The following S100A2 variants were observed in gnomAD, a reference collection of about 807,000 sequenced individuals.
The protein encoded by S100A2 is protein S100-A2.
In S100A2, 5 loss-of-function variants were observed where a neutral mutation model predicts 4.3. The observed-to-expected ratio is 1.16, with a 90% CI of 0.61 to 2.44. S100A2 has a LOEUF of 2.44. S100A2 is among the 30% of genes most tolerant of loss of function. The probability of loss-of-function intolerance (pLI) is 0.01; values close to 1 mark genes in which losing one functional copy is unlikely to be tolerated. For missense variants in S100A2, 103 were observed against 114.7 expected (o/e 0.90, Z 0.47); for synonymous variants, 44 against 46.0 (o/e 0.96, Z 0.17).
intron 1 of S100A2, 116 bp from the exon 2 acceptor site, chr1:153,564,003 T>C: frequency 1.9e-6 from 2 of 1,079,118 alleles, no homozygotes; most frequent in Non-Finnish European, 2.6e-6. Context: ...CCTCTCTGAA[T>C]GGGAAGGCAG....
Position 153,561,306 on chromosome 1 carries a change from A to T in S100A2, c.*133T>A, listed in dbSNP as rs1005211287. 1 of 1,149,890 alleles carries T rather than the reference A, an allele frequency of 8.7e-7. No homozygotes were observed. The highest frequency in any genetic ancestry group is 1.2e-6 in the Non-Finnish European group (1 of 809,112). 71.2% of individuals were successfully genotyped at this position (1,149,890 alleles called of 1,614,324 possible). ...CATCTCCCAGCACTCCAGCTGAGCC[A>T]GCCGGGTTATGGAACATCACTGAGC... On this transcript the variant is annotated 3_prime_UTR_variant, in exon 3 of 3. Transcript: ENST00000368708.
chr1:153,563,803 G>A lies in S100A2; in HGVS notation c.75C>T (p.Gly25=), dbSNP rs780402122. 16 of 1,614,002 alleles carry A rather than the reference G, an allele frequency of 9.9e-6. No individual in the cohort carries two copies. The highest frequency in any genetic ancestry group is 6.7e-5 in the East Asian group (3 of 44,878). Reference sequence around the variant, plus strand: ...CCCCCTTACTCAGCTTGAACTTGTCGCCCTCTTGGCAGGAGTACTTGTGGA... The same window carrying A: ...CCCCCTTACTCAGCTTGAACTTGTCACCCTCTTGGCAGGAGTACTTGTGGA... ...TTFHKYSCQE[G]DKFKLSKGEM... is the part of the protein sequence containing the mutation. The change falls in exon 2 of 3, where the codon GGC becomes GGT. Residue 25 remains glycine, a synonymous_variant. Transcript: ENST00000368708.
chr1:153,563,643 T>C, intron 2 of S100A2, 91 bp downstream of exon 2: 1 of 1,581,322 alleles, frequency 6.3e-7, no homozygotes, highest in South Asian at 1.1e-5. Flanking sequence ...CCCTGGCACC[T>C]GCATCGACAG....
In S100A2 at chr1:153,561,477, A is replaced by G. The variant is rs751430239; in HGVS notation, c.259T>C (p.Cys87Arg). 1.1e-5 allele frequency: 17 copies of G among 1,614,120 alleles called. No homozygotes were observed. Among genetic ancestry groups the G allele is most frequent in the Admixed American group, 1.7e-5 (1 of 60,004 alleles). Residue 87 changes from cysteine to arginine, a missense_variant, in exon 3 of 3, where the codon TGC (cysteine) becomes CGC (arginine). Physicochemically the swap from Cys to Arg is radical, Grantham distance 180 (BLOSUM62 -3). Transcript: ENST00000368708. ...AVFLALITVM[C>R]NDFFQGCPDR... is the part of the protein sequence containing the mutation. ...GGGCAGCCCTGGAAGAAGTCATTGCACATGACAGTGATGAGTGCCAGGAAA... is the reference window on the plus strand; with the variant it reads ...GGGCAGCCCTGGAAGAAGTCATTGCGCATGACAGTGATGAGTGCCAGGAAA...
Position 153,565,722 on chromosome 1 carries a change from G to C in S100A2, c.-227C>G, listed in dbSNP as rs1377874951. On this transcript the variant is annotated 5_prime_UTR_variant, in exon 1 of 3. Transcript: ENST00000368708. ...GAGAGTGCCAGCTCCACCACCAGCT[G>C]GGGGAGGGCTCTAGGCCAGGTCAAG... The C allele has an allele frequency of 6.6e-6, 1 of 152,506 alleles. No individual in the cohort carries two copies. The highest frequency in any genetic ancestry group is 1.5e-5 in the Non-Finnish European group (1 of 68,238). The allele number at this position is 152,506 out of a possible 1,614,324, so 9.4% of individuals were successfully genotyped here. A position where few individuals can be genotyped will look rare whatever the true frequency, so the allele number is the denominator to read the frequency against.
chr1:153,564,000 G>T, intron 1 of S100A2, 113 bp from the exon 2 acceptor site: 2 of 1,091,072 alleles, frequency 1.8e-6, no homozygotes, highest in Non-Finnish European at 2.6e-6. Flanking sequence ...ACCCCTCTCT[G>T]AATGGGAAGG....
intron 2 of S100A2, chr1:153,563,338 CT>C: frequency 1.4e-6 from 2 of 1,460,774 alleles, no homozygotes; most frequent in Non-Finnish European, 1.8e-6. Flanking sequence ...TGCCATTGCA[CT>C]CCAGCCTGGG....
intron 2 of S100A2, 148 bp from the exon 3 acceptor site, chr1:153,561,739 C>G: frequency 9.4e-7 from 1 of 1,058,202 alleles, no homozygotes; most frequent in South Asian, 1.4e-5. Context: ...GCCCTGGGAG[C>G]TACCAAGAGG....
rs1665890184 is a variant in S100A2, at chr1:153,561,360, A to C, written c.*79T>G. On this transcript the variant is annotated 3_prime_UTR_variant, in exon 3 of 3. Coordinates refer to ENST00000368708, the MANE Select transcript of S100A2 (RefSeq NM_005978.4). ...TAAAATATTATCAACAGACAAAAAA[A>C]GTTTATTGAATACAAAACTCAAAGG... 3 of 1,501,964 alleles carry C rather than the reference A, an allele frequency of 2.0e-6. No homozygotes were observed. The highest frequency in any genetic ancestry group is 4.2e-5 in the Admixed American group (2 of 47,734). The allele number at this position is 1,501,964 out of a possible 1,614,324, so 93.0% of individuals were successfully genotyped here.
chr1:153,563,244 C>A (rs1665933733), intron 2 of S100A2, among the ~76,000 whole-genome samples: 1 of 151,868 alleles, frequency 6.6e-6, no homozygotes, highest in South Asian at 2.1e-4. Flanking sequence ...TAGTGGGATG[C>A]GCCTGTAGTC....
intron 2 of S100A2, among the ~76,000 whole-genome samples, chr1:153,563,167 T>C (rs1043605936): frequency 6.6e-6 from 1 of 151,032 alleles, no homozygotes; most frequent in African/African-American, 2.4e-5. Context: ...AGGTCAGGAG[T>C]TCGAGACCAG....
chr1:153,564,407 GCTC>G (rs1176375369), intron 1 of S100A2, among the ~76,000 whole-genome samples: 4 of 152,176 alleles, frequency 2.6e-5, no homozygotes, highest in Admixed American at 2.0e-4. Flanking sequence ...CTAACTGGAA[GCTC>G]CCTTGGGCAG....
In S100A2 at chr1:153,563,827, G is replaced by A. The variant is rs1665949645; in HGVS notation, c.51C>T (p.Phe17=). 1 of 1,614,212 alleles carries A rather than the reference G, an allele frequency of 6.2e-7. No individual in the cohort carries two copies. The highest frequency in any genetic ancestry group is 8.5e-7 in the Non-Finnish European group (1 of 1,180,016). Residue 17 remains phenylalanine, a synonymous_variant, in exon 2 of 3, where the codon TTC becomes TTT. Transcript: ENST00000368708. ...EQALAVLVTT[F]HKYSCQEGDK... ...CGCCCTCTTGGCAGGAGTACTTGTG[G>A]AAGGTAGTGACCAGCACAGCCAGCG...
chr1:153,561,937 A>G (rs546301108), intron 2 of S100A2, among the ~76,000 whole-genome samples: 1 of 152,336 alleles, frequency 6.6e-6, no homozygotes, highest in Admixed American at 6.5e-5. Context: ...CTGCTCCCCA[A>G]CACCAGCCAG....
chr1:153,561,121 ATATCTT>A lies in S100A2; in HGVS notation c.*312_*317del, dbSNP rs1261274344. ...TGGTGGATGGTATTTGCCTTTTTTA[ATATCTT>A]TATTTGACAAAATAAAAGTCAGCAA... On this transcript the variant is annotated 3_prime_UTR_variant, in exon 3 of 3. Coordinates refer to ENST00000368708, the MANE Select transcript of S100A2 (RefSeq NM_005978.4). 1.1e-4 allele frequency: 25 copies of A among 221,460 alleles called. No homozygotes were observed. The highest frequency in any genetic ancestry group is 4.0e-4 in the Admixed American group (7 of 17,630). The allele number at this position is 221,460 out of a possible 1,614,324, so 13.7% of individuals were successfully genotyped here.
chr1:153,563,353 C>CA (rs1203598553), intron 2 of S100A2: 1 of 1,486,152 alleles, frequency 6.7e-7, no homozygotes, highest in African/African-American at 1.5e-5. Flanking sequence ...GCCTGGGCAA[C>CA]AAGAGGGAAA....
In S100A2 at chr1:153,565,797, G is replaced by A. The variant is rs1665992725; in HGVS notation, c.-302C>T. ...CACAGTGGGAAGTGGGAGGTGTCGT[G>A]GGGACTGGGCATCCTGGACCGGGGT... is the stretch of plus-strand genomic sequence containing the variant. On this transcript the variant is annotated 5_prime_UTR_variant, in exon 1 of 3. Transcript: ENST00000368708. 6.6e-6 allele frequency: 1 copy of A among 152,542 alleles called. No individual in the cohort carries two copies. Among genetic ancestry groups the A allele is most frequent in the Non-Finnish European group, 1.5e-5 (1 of 68,284 alleles). 9.4% of individuals were successfully genotyped at this position (152,542 alleles called of 1,614,324 possible).
At chr1:153,565,228 C>T (rs1268325047) in intron 1 of S100A2, among the ~76,000 whole-genome samples, 9 of 142,730 alleles carry the variant, frequency 6.3e-5, no homozygotes, top group African/African-American at 1.9e-4. Flanking sequence ...AGGAGAATGG[C>T]GTGAACCTGG....
intron 2 of S100A2, among the ~76,000 whole-genome samples, chr1:153,562,964 C>A (rs1231017154): frequency 3.9e-5 from 5 of 129,756 alleles, no homozygotes; most frequent in Non-Finnish European, 5.1e-5. Flanking sequence ...CTTGTCCCCC[C>A]ACCACAAAAA....
Sources: gnomAD v4.1 joint callset for allele counts (sites outside exome capture counted in the v4.1 genomes callset) on GRCh38, gnomAD v4.1.1 for gene constraint, MANE v1.5 for transcripts, NCBI Gene and HGNC (gene_info 2026-07-23, HGNC 2026-07-21) for gene names.